MACROD1: variants seen among roughly 807,000 people sequenced by gnomAD.
MACROD1 encodes ADP-ribose glycohydrolase MACROD1.
A neutral mutation model predicts 41.4 loss-of-function variants in MACROD1; 31 were observed. The observed-to-expected ratio is 0.75, with a 90% CI of 0.56 to 1.01. MACROD1 has a LOEUF of 1.01. Ranked by LOEUF, MACROD1 falls within the 50% of genes least tolerant of loss-of-function variation. The probability of loss-of-function intolerance (pLI) is 0.00; values close to 1 mark genes in which losing one functional copy is unlikely to be tolerated. For synonymous variants in MACROD1, 252 were observed against 203.4 expected (o/e 1.24, Z -2.03); for missense variants, 473 against 460.0 (o/e 1.03, Z -0.26).
chr11:64,035,714 T>TCCTCCCCGCCCGCTGCCTCCCCCTCCC (rs1943362704), intron 3 of MACROD1, among the ~76,000 whole-genome samples: 2 of 33,064 alleles, frequency 6.0e-5, no homozygotes, highest in Non-Finnish European at 1.3e-4. Context: ...GGCGCCCCCG[T>TCCTCCCCGCCCGCTGCCTCCCCCTCCC]CCTCCTCCCC....
chr11:64,084,955 C>T (rs1288329460), intron 3 of MACROD1, among the ~76,000 whole-genome samples: 3 of 152,254 alleles, frequency 2.0e-5, no homozygotes, highest in Non-Finnish European at 4.4e-5. Flanking sequence ...ACAAGGGTTT[C>T]CGTCTATGGG....
At chr11:64,107,535 A>C (rs1346494986) in intron 3 of MACROD1, among the ~76,000 whole-genome samples, 2 of 152,200 alleles carry the variant, frequency 1.3e-5, no homozygotes, top group African/African-American at 4.8e-5. Flanking sequence ...GTGGATTTGC[A>C]TACCTGTCTG....
intron 1 of MACROD1, among the ~76,000 whole-genome samples, chr11:64,162,252 G>C (rs1010036563): frequency 5.3e-5 from 8 of 152,220 alleles, no homozygotes; most frequent in Non-Finnish European, 1.0e-4. Context: ...ACTGAGGTGG[G>C]AGGATCGCTT....
intron 3 of MACROD1, among the ~76,000 whole-genome samples, chr11:64,083,414 A>C (rs962765984): frequency 6.6e-6 from 1 of 152,148 alleles, no homozygotes; most frequent in South Asian, 2.1e-4. Context: ...CCAGCCTGGC[A>C]ACACTGCCTG....
rs570152218 is a variant in MACROD1, at chr11:64,064,495, A to T, written c.518-49214T>A. 1.3e-5 allele frequency among the ~76,000 whole-genome samples: 2 copies of T among 152,084 alleles called. No individual in the cohort carries two copies. The highest frequency in any genetic ancestry group is 3.9e-4 in the East Asian group (2 of 5,172). On this transcript the variant is annotated intron_variant, in intron 3 of 10. Transcript: ENST00000255681. This position sits in a 1 kb window ranked among gnomAD's most constrained non-coding sequence, Gnocchi z 4.5. The stretch of plus-strand genomic sequence containing the variant: ...ACCGGAGGCCTCAGGCCTGCCCCGG[A>T]TGGGCACGCAGGCAGGGTGCATATG...
At chr11:64,053,155 G>A (rs1943724664) in intron 3 of MACROD1, among the ~76,000 whole-genome samples, 1 of 152,208 alleles carries the variant, frequency 6.6e-6, no homozygotes. Context: ...GCGGGCCCCA[G>A]ACGGAGAGCT....
At chr11:64,144,866 C>T (rs1945471197) in intron 3 of MACROD1, among the ~76,000 whole-genome samples, 1 of 152,272 alleles carries the variant, frequency 6.6e-6, no homozygotes, top group South Asian at 2.1e-4. Flanking sequence ...AGCGTCAGAT[C>T]ACTTCCCACA....
chr11:64,098,126 C>T (rs185023533), intron 3 of MACROD1, among the ~76,000 whole-genome samples: 1 of 152,178 alleles, frequency 6.6e-6, no homozygotes, highest in Admixed American at 6.5e-5. Context: ...CCTTCCAGGT[C>T]TCCATGCAGC....
At chr11:64,053,966 T>C (rs2134419053) in intron 3 of MACROD1, among the ~76,000 whole-genome samples, 1 of 152,244 alleles carries the variant, frequency 6.6e-6, no homozygotes. Context: ...GTTCCTGCGT[T>C]CCAGCACCGT....
At position 64,093,404 on chromosome 11, in the gene MACROD1, T is replaced by C. The variant is rs561414621; in HGVS notation, c.517+57835A>G. On this transcript the variant is annotated intron_variant, in intron 3 of 10. Coordinates refer to ENST00000255681, the MANE Select transcript of MACROD1 (RefSeq NM_014067.4). Reference sequence around the variant, plus strand: ...ACTCCCCGGTGGAGAGGGCAAGGGCTGAGTGAGCCGGGAAGCCAGGCCTCC... The same window carrying C: ...ACTCCCCGGTGGAGAGGGCAAGGGCCGAGTGAGCCGGGAAGCCAGGCCTCC... Among the ~76,000 whole-genome samples, 348 of 152,364 alleles carry C rather than the reference T, an allele frequency of 2.3e-3. 3 individuals carry two copies. Among genetic ancestry groups the C allele is most frequent in the Non-Finnish European group, 4.0e-3 (273 of 68,022 alleles).
intron 1 of MACROD1, 126 bp from the exon 2 acceptor site, chr11:64,152,519 G>T: frequency 1.4e-6 from 1 of 740,096 alleles, no homozygotes; most frequent in Non-Finnish European, 2.4e-6. Context: ...CCTTCTCTGG[G>T]CACACAGGGC....
chr11:64,021,438 G>A (rs934383510), intron 3 of MACROD1, among the ~76,000 whole-genome samples: 15 of 152,230 alleles, frequency 9.9e-5, no homozygotes, highest in Non-Finnish European at 1.9e-4. Flanking sequence ...GAGGGGTGCT[G>A]TGTGGGGGCC....
chr11:64,054,055 A>G (rs2134419259), intron 3 of MACROD1, among the ~76,000 whole-genome samples: 1 of 152,280 alleles, frequency 6.6e-6, no homozygotes, highest in East Asian at 1.9e-4. Context: ...CCCTGGTGGC[A>G]GCAAGCAGCT....
intron 3 of MACROD1, among the ~76,000 whole-genome samples, chr11:64,130,076 C>G (rs1016945967): frequency 6.6e-6 from 1 of 152,058 alleles, no homozygotes; most frequent in Non-Finnish European, 1.5e-5. Context: ...TGGGGTGGTC[C>G]CCCGAGAAAC....
At chr11:64,117,914 G>A (rs1945021531) in intron 3 of MACROD1, 7 of 1,613,778 alleles carry the variant, frequency 4.3e-6, no homozygotes, top group Middle Eastern at 3.3e-4. Flanking sequence ...GCCCCATGGC[G>A]AGCCTGCCCC....
intron 3 of MACROD1, among the ~76,000 whole-genome samples, chr11:64,019,742 G>T (rs939331305): frequency 2.9e-4 from 44 of 152,218 alleles, no homozygotes; most frequent in Admixed American, 4.6e-4. Context: ...GTAGCTGGGA[G>T]CAGGCTTGAG....
At chr11:64,041,335 C>T (rs74320675) in intron 3 of MACROD1, among the ~76,000 whole-genome samples, 5,693 of 151,604 alleles carry the variant, frequency 0.038, 338 homozygotes, top group African/African-American at 0.13. Context: ...ATTCCTGCTG[C>T]CCCCCACCCC....
intron 4 of MACROD1, among the ~76,000 whole-genome samples, chr11:64,004,228 G>A (rs1342537953): frequency 6.6e-6 from 1 of 152,168 alleles, no homozygotes; most frequent in Admixed American, 6.5e-5. Flanking sequence ...GGAGGGCTGG[G>A]CTGAGTGATT....
At chr11:64,033,150 CA>C (rs1337473497) in intron 3 of MACROD1, among the ~76,000 whole-genome samples, 2 of 152,218 alleles carry the variant, frequency 1.3e-5, no homozygotes, top group Non-Finnish European at 2.9e-5. Flanking sequence ...CCTGCTTCAG[CA>C]AGATCTTGCT....
Sources: gnomAD v4.1 joint callset for allele counts (sites outside exome capture counted in the v4.1 genomes callset) on GRCh38, gnomAD v4.1.1 for gene constraint, Gnocchi (gnomAD v3.1) non-coding constraint, MANE v1.5 for transcripts, NCBI Gene and HGNC (gene_info 2026-07-23, HGNC 2026-07-21) for gene names.